KCNIP1: variants seen among roughly 807,000 people sequenced by gnomAD.
KCNIP1 encodes A-type potassium channel modulatory protein KCNIP1.
In KCNIP1, 18 loss-of-function variants were observed where a neutral mutation model predicts 33.0. The ratio of observed to expected loss-of-function variants is 0.55; its 90% CI spans 0.38 to 0.81. KCNIP1 has a LOEUF of 0.81. Ranked by LOEUF, KCNIP1 falls within the 30% of genes least tolerant of loss-of-function variation. KCNIP1 has a pLI of 0.00. For missense variants in KCNIP1, 238 were observed against 271.6 expected (o/e 0.88, Z 0.87); for synonymous variants, 93 against 98.3 (o/e 0.95, Z 0.32).
At chr5:170,600,832 A>G (rs986117043) in intron 1 of KCNIP1, among the ~76,000 whole-genome samples, 4 of 151,828 alleles carry the variant, frequency 2.6e-5, no homozygotes, top group Admixed American at 1.3e-4. Context: ...TGCTCCTCAC[A>G]CTCCACGGTC....
intron 1 of KCNIP1, among the ~76,000 whole-genome samples, chr5:170,707,046 A>G (rs368692688): frequency 4.5e-4 from 68 of 152,166 alleles, no homozygotes; most frequent in African/African-American, 1.6e-3. Flanking sequence ...CCTGAATTAG[A>G]TGAGAAAGAG....
At chr5:170,580,920 G>A (rs1190776114) in intron 1 of KCNIP1, among the ~76,000 whole-genome samples, 1 of 152,166 alleles carries the variant, frequency 6.6e-6, no homozygotes, top group African/African-American at 2.4e-5. Context: ...CTCCATCAGA[G>A]GCTTGGCAAC....
intron 1 of KCNIP1, among the ~76,000 whole-genome samples, chr5:170,654,140 A>C (rs1761167175): frequency 6.6e-6 from 1 of 152,102 alleles, no homozygotes; most frequent in South Asian, 2.1e-4. Flanking sequence ...TTCAGGGTTC[A>C]ACTTTGTCCC....
intron 1 of KCNIP1, among the ~76,000 whole-genome samples, chr5:170,365,457 C>T (rs1220706599): frequency 6.6e-5 from 10 of 152,222 alleles, no homozygotes; most frequent in Admixed American, 3.3e-4. Flanking sequence ...CAGCCCTCCT[C>T]AGTTCTGGAG....
At chr5:170,656,035 C>T (rs1561745601) in intron 1 of KCNIP1, among the ~76,000 whole-genome samples, 1 of 152,238 alleles carries the variant, frequency 6.6e-6, no homozygotes, top group Admixed American at 6.5e-5. Context: ...CCTCGTACTC[C>T]ATGGCTCAGA....
At chr5:170,500,263 T>C (rs186262935), upstream of KCNIP1, among the ~76,000 whole-genome samples, 541 of 152,300 alleles carry the variant, frequency 3.6e-3, 1 homozygote, top group Non-Finnish European at 6.5e-3. Flanking sequence ...AGGTCCCTTC[T>C]TCAAATACAG....
upstream of KCNIP1, among the ~76,000 whole-genome samples, chr5:170,501,381 C>CA (rs1402683912): frequency 6.6e-6 from 1 of 152,078 alleles, no homozygotes; most frequent in Non-Finnish European, 1.5e-5. Context: ...GGCTGAGCCA[C>CA]AAAGGGAACA....
chr5:170,589,752 G>GATGTGATGTA, intron 1 of KCNIP1, among the ~76,000 whole-genome samples: 1 of 140,946 alleles, frequency 7.1e-6, no homozygotes, highest in Non-Finnish European at 1.6e-5. Context: ...GGTGTGGTGT[G>GATGTGATGTA]GTGTGGTGTG....
At chr5:170,510,189 T>C (rs73313439) in intron 1 of KCNIP1, among the ~76,000 whole-genome samples, 2,517 of 152,310 alleles carry the variant, frequency 0.017, 72 homozygotes, top group African/African-American at 0.057. Context: ...ATCTCTGCCT[T>C]CTCTCTTTCC....
chr5:170,587,634 T>C (rs1169621492), intron 1 of KCNIP1, among the ~76,000 whole-genome samples: 1 of 152,148 alleles, frequency 6.6e-6, no homozygotes, highest in Non-Finnish European at 1.5e-5. Flanking sequence ...CTCCATGTCC[T>C]AAGCACATCC....
At chr5:170,515,162 G>T (rs1755076058) in intron 1 of KCNIP1, among the ~76,000 whole-genome samples, 4 of 152,150 alleles carry the variant, frequency 2.6e-5, no homozygotes, top group Admixed American at 2.6e-4. Context: ...TCCAAATGCA[G>T]GCCTCACTCA....
intron 1 of KCNIP1, among the ~76,000 whole-genome samples, chr5:170,460,371 A>G (rs1159165262): frequency 6.6e-6 from 1 of 152,118 alleles, no homozygotes; most frequent in African/African-American, 2.4e-5. Flanking sequence ...CAAAACCAGG[A>G]AAGGACACAA....
At chr5:170,462,886 A>G (rs1338923156) in intron 1 of KCNIP1, among the ~76,000 whole-genome samples, 1 of 152,194 alleles carries the variant, frequency 6.6e-6, no homozygotes, top group Non-Finnish European at 1.5e-5. Flanking sequence ...ATCAATCATC[A>G]TATGTTCTCA....
intron 1 of KCNIP1, chr5:170,639,059 C>T (rs1419647185): frequency 6.6e-6 from 1 of 152,254 alleles, no homozygotes; most frequent in African/African-American, 2.4e-5. Context: ...CAGCCTTGCT[C>T]TATTTCTTCA....
chr5:170,583,827 A>G (rs554461750), intron 1 of KCNIP1, among the ~76,000 whole-genome samples: 1 of 152,330 alleles, frequency 6.6e-6, no homozygotes, highest in East Asian at 1.9e-4. Flanking sequence ...GGTAAAGATA[A>G]TCATCAGTTT....
chr5:170,432,494 C>T (rs17672578), intron 1 of KCNIP1, among the ~76,000 whole-genome samples: 3,728 of 152,204 alleles, frequency 0.024, 113 homozygotes, highest in Admixed American at 0.084. Flanking sequence ...CTTGAGGGTT[C>T]GGTAGAATAT....
At chr5:170,532,756 A>T (rs1755828645) in intron 1 of KCNIP1, among the ~76,000 whole-genome samples, 1 of 151,940 alleles carries the variant, frequency 6.6e-6, no homozygotes, top group Non-Finnish European at 1.5e-5. Context: ...TGCCCTGGAC[A>T]CTCAGCTGGA....
chr5:170,582,108 C>G (rs1757815977), intron 1 of KCNIP1, among the ~76,000 whole-genome samples: 1 of 152,178 alleles, frequency 6.6e-6, no homozygotes. Flanking sequence ...GGCCCCACCC[C>G]CAACACTGAG....
chr5:170,555,890 T>G (rs1163545276), intron 1 of KCNIP1, among the ~76,000 whole-genome samples: 1 of 152,056 alleles, frequency 6.6e-6, no homozygotes, highest in Admixed American at 6.5e-5. Flanking sequence ...CACAAGGTAA[T>G]GAGAGGAAAT....
Sources: allele counts gnomAD v4.1 joint callset (sites outside exome capture counted in the v4.1 genomes callset), GRCh38; gene constraint gnomAD v4.1.1; transcripts MANE v1.5; gene names NCBI Gene and HGNC (gene_info 2026-07-23, HGNC 2026-07-21).